Variants in PLEKHA7 observed in about 807,000 individuals in gnomAD.
PLEKHA7 encodes pleckstrin homology domain containing A7.
Under a neutral mutation model 170.0 loss-of-function variants are expected in PLEKHA7, and 104 were observed. That is an observed-to-expected ratio of 0.61 (90% CI 0.52 to 0.72). The LOEUF is 0.72. Among genes scored for constraint, PLEKHA7 ranks in the 30% least tolerant of loss-of-function variants. The pLI, the probability that PLEKHA7 is intolerant of heterozygous loss-of-function variation, is 0.00. For missense variants in PLEKHA7, 1,615 were observed against 1,671.7 expected (o/e 0.97, Z 0.59); for synonymous variants, 648 against 660.8 (o/e 0.98, Z 0.30).
chr11:16,829,072 C>G (rs1021547964), intron 9 of PLEKHA7, among the ~76,000 whole-genome samples: 1 of 151,706 alleles, frequency 6.6e-6, no homozygotes, highest in Non-Finnish European at 1.5e-5. Flanking sequence ...GCAATGATCA[C>G]GGCTCACTGC....
chr11:16,976,419 C>T (rs1158354815), intron 3 of PLEKHA7, among the ~76,000 whole-genome samples: 1 of 152,230 alleles, frequency 6.6e-6, no homozygotes, highest in Non-Finnish European at 1.5e-5. Flanking sequence ...CAGCACCCCT[C>T]TTCCCTCACT....
In PLEKHA7 at chr11:16,826,453, C is replaced by T. The variant is rs1424468615; in HGVS notation, c.1010G>A (p.Arg337Lys). ...GTACTGCTCTCCCTCCTGCTCCTGC[C>T]TCTCGAAGTTGACAATGTCATCATG... is the stretch of plus-strand genomic sequence containing the variant. Reference protein sequence around the residue: ...RGHDDIVNFERQEQEGEQYRS... With the variant: ...RGHDDIVNFEKQEQEGEQYRS... Residue 337 changes from arginine (R) to lysine (K), a missense_variant, in exon 10 of 27, where the codon AGG (arginine) becomes AAG (lysine). Coordinates refer to ENST00000531066, the MANE Select transcript of PLEKHA7 (RefSeq NM_001329630.2). 1.2e-6 allele frequency: 2 copies of T among 1,614,236 alleles called. No homozygotes were observed. Among genetic ancestry groups the T allele is most frequent in the South Asian group, 2.2e-5 (2 of 91,088 alleles).
intron 10 of PLEKHA7, among the ~76,000 whole-genome samples, chr11:16,821,106 G>T (rs1850182666): frequency 6.6e-6 from 1 of 152,162 alleles, no homozygotes; most frequent in East Asian, 1.9e-4. Context: ...TCACTGAACA[G>T]GCACTAAACA....
intron 7 of PLEKHA7, 53 bp from the exon 8 acceptor site, chr11:16,851,344 C>T: frequency 1.4e-6 from 2 of 1,383,812 alleles, no homozygotes; most frequent in Non-Finnish European, 1.0e-6. Context: ...TCCCTGGGCT[C>T]ATCTGTCCCA....
intron 3 of PLEKHA7, among the ~76,000 whole-genome samples, chr11:16,883,950 C>T (rs371660962): frequency 3.3e-5 from 5 of 151,614 alleles, no homozygotes; most frequent in Non-Finnish European, 3.0e-5. Flanking sequence ...ATATCCTTTT[C>T]GGGTTTTGCA....
chr11:16,882,660 G>C (rs1320329196), intron 3 of PLEKHA7, among the ~76,000 whole-genome samples: 1 of 152,116 alleles, frequency 6.6e-6, no homozygotes, highest in African/African-American at 2.4e-5. Context: ...AAAAAGACTG[G>C]ATTAGGTTTA....
intron 3 of PLEKHA7, among the ~76,000 whole-genome samples, chr11:16,982,102 A>G (rs1259817023): frequency 1.3e-5 from 2 of 152,250 alleles, no homozygotes; most frequent in African/African-American, 4.8e-5. Context: ...GCTGGGGGGA[A>G]CAAGTCTCCC....
chr11:16,875,876 C>A (rs1855251268), intron 3 of PLEKHA7, among the ~76,000 whole-genome samples: 1 of 152,170 alleles, frequency 6.6e-6, no homozygotes, highest in Admixed American at 6.5e-5. Flanking sequence ...CCTAAAAGGG[C>A]AGGTTAGGTA....
intron 10 of PLEKHA7, among the ~76,000 whole-genome samples, chr11:16,819,174 T>C (rs556317968): frequency 6.6e-6 from 1 of 151,980 alleles, no homozygotes; most frequent in Non-Finnish European, 1.5e-5. Context: ...CTTGGCTCAC[T>C]GCAACCTCCG....
chr11:17,010,452 A>T (rs902689588), intron 3 of PLEKHA7, among the ~76,000 whole-genome samples: 2 of 151,886 alleles, frequency 1.3e-5, no homozygotes, highest in Non-Finnish European at 2.9e-5. Flanking sequence ...GTATTAAAAC[A>T]TTTGCTGGCC....
At chr11:16,945,058 T>C (rs1403660052) in intron 3 of PLEKHA7, among the ~76,000 whole-genome samples, 1 of 152,128 alleles carries the variant, frequency 6.6e-6, no homozygotes, top group Admixed American at 6.6e-5. Flanking sequence ...TGCCTCAGCC[T>C]CCCGAGTAGC....
rs757566867 is a variant in PLEKHA7 at position 16,790,858 on chromosome 11, C to A, written c.2992G>T (p.Ala998Ser). 6.2e-7 allele frequency: 1 copy of A among 1,610,796 alleles called. No homozygotes were observed. Among genetic ancestry groups the A allele is most frequent in the Non-Finnish European group, 8.5e-7 (1 of 1,178,686 alleles). Residue 998 changes from alanine to serine, a missense_variant, in exon 21 of 27, where the codon GCC (alanine) becomes TCC (serine). Ala to Ser is a moderately conservative substitution (Grantham distance 99). Coordinates refer to ENST00000531066, the MANE Select transcript of PLEKHA7 (RefSeq NM_001329630.2). ...CCCACAAGTCCTAGGGAGGGCTGGG[C>A]CATGTCCCCGCTGAGGGTCGCCAGC... Reference protein sequence around the residue: ...PELATLSGDMAQPSLGLVGPE... With the variant: ...PELATLSGDMSQPSLGLVGPE...
At chr11:16,798,415 C>T (rs935359864) in intron 17 of PLEKHA7, among the ~76,000 whole-genome samples, 6 of 151,486 alleles carry the variant, frequency 4.0e-5, no homozygotes, top group Non-Finnish European at 5.9e-5. Context: ...TTCTCCAGGG[C>T]GTCTGTGACA....
chr11:16,991,612 A>G (rs1864047346), intron 3 of PLEKHA7, among the ~76,000 whole-genome samples: 1 of 152,204 alleles, frequency 6.6e-6, no homozygotes, highest in African/African-American at 2.4e-5. Context: ...TGCACTTCAC[A>G]TGTTTGAAAA....
At chr11:16,861,889 T>A (rs1853984732) in intron 4 of PLEKHA7, among the ~76,000 whole-genome samples, 1 of 152,010 alleles carries the variant, frequency 6.6e-6, no homozygotes, top group Non-Finnish European at 1.5e-5. Flanking sequence ...ACCAGCACCT[T>A]TTTTTTAGTA....
At chr11:17,008,360 A>G (rs1441228494) in intron 3 of PLEKHA7, among the ~76,000 whole-genome samples, 2 of 152,204 alleles carry the variant, frequency 1.3e-5, no homozygotes, top group East Asian at 1.9e-4. Context: ...ATGCAGAGCA[A>G]TAAGGATATG....
chr11:17,011,963 A>ATT (rs1865345273), intron 3 of PLEKHA7, among the ~76,000 whole-genome samples: 1 of 86,326 alleles, frequency 1.2e-5, no homozygotes, highest in Non-Finnish European at 2.6e-5. Context: ...TCTCCCACAG[A>ATT]CTATTCAGTC....
At chr11:16,831,693 C>T (rs1354818018) in intron 9 of PLEKHA7, among the ~76,000 whole-genome samples, 1 of 152,240 alleles carries the variant, frequency 6.6e-6, no homozygotes, top group East Asian at 1.9e-4. Flanking sequence ...GGTTCCACCA[C>T]ATATAAGCTG....
At chr11:16,968,321 C>T (rs571817895) in intron 3 of PLEKHA7, among the ~76,000 whole-genome samples, 9 of 152,310 alleles carry the variant, frequency 5.9e-5, no homozygotes, top group South Asian at 2.1e-4. Flanking sequence ...ACAGCACACA[C>T]GAGGCTCCAC....
Sources: gnomAD v4.1 joint callset for allele counts (sites outside exome capture counted in the v4.1 genomes callset) on GRCh38, gnomAD v4.1.1 for gene constraint, MANE v1.5 for transcripts, NCBI Gene and HGNC (gene_info 2026-07-23, HGNC 2026-07-21) for gene names.